GNAL: variants seen among roughly 807,000 people sequenced by gnomAD.
GNAL encodes G protein subunit alpha L, also known as guanine nucleotide-binding protein G(olf) subunit alpha.
In GNAL, 18 loss-of-function variants were observed where a neutral mutation model predicts 55.1. The observed-to-expected ratio is 0.33, with a 90% CI of 0.23 to 0.48. The LOEUF is 0.48. Among genes scored for constraint, GNAL ranks in the 20% least tolerant of loss-of-function variants. The pLI, the probability that GNAL is intolerant of heterozygous loss-of-function variation, is 0.99. For missense variants in GNAL, 412 were observed against 614.1 expected (o/e 0.67, Z 3.48); for synonymous variants, 253 against 237.0 (o/e 1.07, Z -0.62).
intron 4 of GNAL, among the ~76,000 whole-genome samples, chr18:11,823,026 T>C (rs896346998): frequency 6.6e-6 from 1 of 152,144 alleles, no homozygotes; most frequent in Non-Finnish European, 1.5e-5. Flanking sequence ...CATACGTCTG[T>C]CGTGTCCAGA....
intron 4 of GNAL, among the ~76,000 whole-genome samples, chr18:11,816,077 C>T (rs2034947270): frequency 6.6e-6 from 1 of 152,140 alleles, no homozygotes; most frequent in Non-Finnish European, 1.5e-5. Context: ...ATTTTTAAAA[C>T]TTAAACGTTC....
At chr18:11,874,493 G>C (rs1232309884) in intron 10 of GNAL, 5 of 146,060 alleles carry the variant, frequency 3.4e-5, no homozygotes, top group Non-Finnish European at 6.0e-5. Flanking sequence ...TACTCGGGAG[G>C]CTGAGGCAGG....
chr18:11,788,928 T>TATATATATATATATAC (rs1568027666), intron 4 of GNAL, among the ~76,000 whole-genome samples: 1 of 114,940 alleles, frequency 8.7e-6, no homozygotes, highest in Non-Finnish European at 1.7e-5. Context: ...TATATATATA[T>TATATATATATATATAC]ATATATATAC....
intron 10 of GNAL, among the ~76,000 whole-genome samples, chr18:11,875,142 AG>A (rs2036501304): frequency 6.6e-6 from 1 of 152,118 alleles, no homozygotes; most frequent in Non-Finnish European, 1.5e-5. Flanking sequence ...GGAACAGGGA[AG>A]GGGAGTCTCA....
chr18:11,700,960 A>T (rs1381240283), intron 1 of GNAL, among the ~76,000 whole-genome samples: 1 of 152,232 alleles, frequency 6.6e-6, no homozygotes, highest in Admixed American at 6.5e-5. Flanking sequence ...TTACTCACCA[A>T]CTGCAAACAT....
chr18:11,856,204 G>C (rs1030819992), intron 5 of GNAL, among the ~76,000 whole-genome samples: 1 of 151,362 alleles, frequency 6.6e-6, no homozygotes, highest in Admixed American at 6.6e-5. Flanking sequence ...GCAGACCCCT[G>C]TTTTTGTTTT....
At chr18:11,706,230 T>C (rs375272501) in intron 1 of GNAL, among the ~76,000 whole-genome samples, 50 of 152,228 alleles carry the variant, frequency 3.3e-4, no homozygotes, top group African/African-American at 1.2e-3. Flanking sequence ...AAAGTTAATA[T>C]AGAAAGAAAG....
intron 4 of GNAL, among the ~76,000 whole-genome samples, chr18:11,784,068 G>A (rs1568025280): frequency 6.6e-6 from 1 of 152,204 alleles, no homozygotes. Flanking sequence ...TCATGTCCAC[G>A]TGGCCCAGCA....
intron 1 of GNAL, among the ~76,000 whole-genome samples, chr18:11,711,233 G>T (rs528769220): frequency 6.6e-6 from 1 of 152,062 alleles, no homozygotes; most frequent in African/African-American, 2.4e-5. Context: ...TCATGAATCC[G>T]GATATCCATT....
At chr18:11,747,562 T>G (rs2032715698) in intron 1 of GNAL, 1 of 149,964 alleles carries the variant, frequency 6.7e-6, no homozygotes, top group Admixed American at 6.7e-5. Context: ...TAAGCCTAGG[T>G]GCTCTCTGAG....
chr18:11,711,263 T>A (rs184917210), intron 1 of GNAL, among the ~76,000 whole-genome samples: 1 of 152,326 alleles, frequency 6.6e-6, no homozygotes, highest in Admixed American at 6.5e-5. Context: ...AGATTTGGGA[T>A]GTTTTGACCA....
chr18:11,700,147 T>C (rs925137968), intron 1 of GNAL, among the ~76,000 whole-genome samples: 1 of 151,950 alleles, frequency 6.6e-6, no homozygotes, highest in Non-Finnish European at 1.5e-5. Flanking sequence ...AGCAGAAGGG[T>C]CGAGGGTTCT....
intron 4 of GNAL, among the ~76,000 whole-genome samples, chr18:11,811,805 A>G (rs1189627390): frequency 1.3e-5 from 2 of 152,228 alleles, no homozygotes; most frequent in Non-Finnish European, 2.9e-5. Flanking sequence ...GGAGTGACTA[A>G]AAAGACCAAG....
chr18:11,733,445 G>T (rs1486590894), intron 1 of GNAL, among the ~76,000 whole-genome samples: 6 of 152,212 alleles, frequency 3.9e-5, no homozygotes, highest in African/African-American at 1.4e-4. Flanking sequence ...CAGAGCTGGA[G>T]CTAAACGGCA....
chr18:11,689,961 G>C (rs2031185123), intron 1 of GNAL, 22 bp downstream of exon 1: 2 of 1,252,376 alleles, frequency 1.6e-6, no homozygotes, highest in Non-Finnish European at 2.0e-6. Flanking sequence ...CCGCGAGGTC[G>C]GCTGACGCCC....
chr18:11,742,283 G>A (rs2032593414), intron 1 of GNAL, among the ~76,000 whole-genome samples: 1 of 152,228 alleles, frequency 6.6e-6, no homozygotes, highest in African/African-American at 2.4e-5. Flanking sequence ...CCTCAAGGAT[G>A]TCCACATGCT....
chr18:11,744,477 T>C (rs765443882), intron 1 of GNAL, among the ~76,000 whole-genome samples: 1 of 152,086 alleles, frequency 6.6e-6, no homozygotes, highest in East Asian at 1.9e-4. Flanking sequence ...TAAAAATGAA[T>C]GATCATCTAC....
chr18:11,870,079 T>G (rs1425691717), intron 9 of GNAL, among the ~76,000 whole-genome samples: 1 of 152,226 alleles, frequency 6.6e-6, no homozygotes, highest in Non-Finnish European at 1.5e-5. Context: ...ATGGTTTATA[T>G]GCAAATACTA....
At chr18:11,826,290 A>C in intron 5 of GNAL, among the ~76,000 whole-genome samples, 1 of 11,472 alleles carries the variant, frequency 8.7e-5, no homozygotes. Context: ...AGGAGCGGGG[A>C]GGGGGAAGGA....
Sources: allele counts gnomAD v4.1 joint callset (sites outside exome capture counted in the v4.1 genomes callset), GRCh38; gene constraint gnomAD v4.1.1; transcripts MANE v1.5; gene names NCBI Gene and HGNC (gene_info 2026-07-23, HGNC 2026-07-21).